The following CELF2 variants were observed in gnomAD, a reference collection of about 807,000 sequenced individuals.
CELF2 encodes CUG triplet repeat RNA-binding protein 2.
Under a neutral mutation model 62.6 loss-of-function variants are expected in CELF2, and 8 were observed. That is an observed-to-expected ratio of 0.13 (90% confidence interval 0.07 to 0.23). CELF2 has a LOEUF of 0.23. Ranked by LOEUF, CELF2 falls within the 10% of genes least tolerant of loss-of-function variation. CELF2 has a pLI of 1.00. For missense variants in CELF2, 333 were observed against 671.0 expected, an observed-to-expected ratio of 0.50 and a Z score of 5.56; for synonymous variants, 258 against 250.0, an observed-to-expected ratio of 1.03 and a Z score of -0.30.
intron 1 of CELF2, chr10:10,846,217 A>G: frequency 4.0e-6 from 2 of 504,876 alleles, no homozygotes; most frequent in Non-Finnish European, 5.1e-6. Flanking sequence ...GATTAATTAT[A>G]TACGATATGG....
At chr10:10,628,567 G>A in the CELF2 span, among the ~76,000 whole-genome samples, 1 of 152,186 alleles carries the variant, frequency 6.6e-6, no homozygotes, top group East Asian at 1.9e-4. Context: ...ATACTTATGT[G>A]TCTGACTATA....
At chr10:11,230,119 T>A (rs577036435) in intron 3 of CELF2, among the ~76,000 whole-genome samples, 18 of 152,190 alleles carry the variant, frequency 1.2e-4, no homozygotes, top group Admixed American at 3.3e-4. Flanking sequence ...TCTGAGAAAG[T>A]GTTAGAAGTG....
intron 1 of CELF2, among the ~76,000 whole-genome samples, chr10:11,077,558 T>C (rs897554554): frequency 2.0e-5 from 3 of 152,200 alleles, no homozygotes; most frequent in African/African-American, 4.8e-5. Context: ...TTTTGTCTTC[T>C]GGAAAATGAT....
At chr10:10,677,317 C>T in the CELF2 span, among the ~76,000 whole-genome samples, 1 of 152,138 alleles carries the variant, frequency 6.6e-6, no homozygotes, top group Non-Finnish European at 1.5e-5. Context: ...TTTATGGCTG[C>T]TAAAAGGTCC....
the CELF2 span, among the ~76,000 whole-genome samples, chr10:10,556,524 T>G: frequency 1.3e-5 from 2 of 152,188 alleles, no homozygotes; most frequent in African/African-American, 4.8e-5. Context: ...GCAGCATGAT[T>G]TATAATCCTT....
chr10:10,937,742 G>A (rs1280662953), intron 2 of CELF2, among the ~76,000 whole-genome samples: 2 of 152,130 alleles, frequency 1.3e-5, no homozygotes, highest in Non-Finnish European at 2.9e-5. Flanking sequence ...AATGTGAAGT[G>A]TTATTTGTGT....
intron 2 of CELF2, among the ~76,000 whole-genome samples, chr10:10,920,570 T>C (rs1432518800): frequency 1.3e-5 from 2 of 152,212 alleles, no homozygotes; most frequent in East Asian, 3.8e-4. Flanking sequence ...AATTTATCAA[T>C]GTGTTTTATA....
intron 1 of CELF2, among the ~76,000 whole-genome samples, chr10:10,901,757 A>G (rs181326381): frequency 1.4e-3 from 208 of 152,348 alleles, no homozygotes; most frequent in East Asian, 4.2e-3. Flanking sequence ...TACATTATAT[A>G]TCCGATGAAG....
At chr10:10,708,572 G>A in the CELF2 span, among the ~76,000 whole-genome samples, 35 of 152,244 alleles carry the variant, frequency 2.3e-4, no homozygotes, top group South Asian at 6.2e-4. Context: ...AGTGCTTCAT[G>A]ATAAGAAAAG....
chr10:10,665,843 T>C, the CELF2 span, among the ~76,000 whole-genome samples: 1 of 152,222 alleles, frequency 6.6e-6, no homozygotes, highest in Non-Finnish European at 1.5e-5. Context: ...AAGGGCATAA[T>C]GTTCTAAGGA....
At chr10:10,648,428 G>A in the CELF2 span, among the ~76,000 whole-genome samples, 1 of 151,994 alleles carries the variant, frequency 6.6e-6, no homozygotes, top group African/African-American at 2.4e-5. Context: ...TCAGCGTCTG[G>A]TATCAAAAAT....
intron 3 of CELF2, among the ~76,000 whole-genome samples, chr10:11,236,245 C>T (rs59071901): frequency 0.091 from 13,776 of 152,206 alleles, 628 homozygotes; most frequent in Middle Eastern, 0.14. Context: ...AAAATACAAT[C>T]GGCTTAAATT....
chr10:11,211,593 T>C lies in CELF2; in HGVS notation c.272-5832T>C, dbSNP rs1394641198. Among the ~76,000 whole-genome samples, 1 of 152,218 alleles carries C rather than the reference T, an allele frequency of 6.6e-6. No homozygotes were observed. The highest frequency in any genetic ancestry group is 6.5e-5 in the Admixed American group (1 of 15,280). On this transcript the variant is annotated intron_variant, in intron 2 of 12. Transcript: ENST00000633077. This position sits in a 1 kb window ranked among gnomAD's most constrained non-coding sequence, Gnocchi z 4.8. ...ACATTTTTTTTTCCTGTGAGTATTA[T>C]TACCCAGAGTTTCCAAGTAAAGATT...
rs1294416480 is a variant in CELF2, at chr10:11,188,835, GTC to G, written c.271+23157_271+23158del. The stretch of plus-strand genomic sequence containing the variant: ...TGTGTTTTTTTCTTCCTTTTTTAAA[GTC>G]TCTGTTTCTCTATTCCATTTTGAAA... On this transcript the variant is annotated intron_variant, in intron 2 of 12. Coordinates refer to ENST00000633077, the MANE Select transcript of CELF2 (RefSeq NM_001326342.2). Among the ~76,000 whole-genome samples the G allele has an allele frequency of 7.2e-5, 11 of 152,076 alleles. No individual in the cohort carries two copies. The East Asian group carries it at 1.9e-3, about 27-fold the overall frequency.
chr10:10,689,064 C>T, the CELF2 span, among the ~76,000 whole-genome samples: 2 of 152,086 alleles, frequency 1.3e-5, no homozygotes, highest in African/African-American at 4.8e-5. Flanking sequence ...GGTATCATTT[C>T]TGAGTTCCAT....
At chr10:11,001,143 T>C (rs765152262), upstream of CELF2, among the ~76,000 whole-genome samples, 3 of 152,244 alleles carry the variant, frequency 2.0e-5, no homozygotes, top group Non-Finnish European at 2.9e-5. Context: ...CATTGCTTCA[T>C]ATTTACTTAA....
intron 3 of CELF2, among the ~76,000 whole-genome samples, chr10:11,230,048 C>G (rs189443955): frequency 6.6e-6 from 1 of 152,156 alleles, no homozygotes; most frequent in Non-Finnish European, 1.5e-5. Flanking sequence ...CTGACTCTGA[C>G]CTGCTCATCA....
chr10:11,054,645 T>C (rs975219633), intron 1 of CELF2, among the ~76,000 whole-genome samples: 7 of 152,176 alleles, frequency 4.6e-5, no homozygotes, highest in Admixed American at 3.9e-4. Context: ...CACTGACTGA[T>C]GTGAAACATG....
chr10:11,121,650 T>G (rs1335853094), intron 1 of CELF2, among the ~76,000 whole-genome samples: 1 of 152,196 alleles, frequency 6.6e-6, no homozygotes, highest in African/African-American at 2.4e-5. Context: ...GTTAATATTC[T>G]GGTTAGTGCA....
Sources: allele counts gnomAD v4.1 joint callset (sites outside exome capture counted in the v4.1 genomes callset), GRCh38; gene constraint gnomAD v4.1.1; non-coding constraint Gnocchi (gnomAD v3.1); transcripts MANE v1.5; gene names NCBI Gene and HGNC (gene_info 2026-07-23, HGNC 2026-07-21).